APPL2: variants seen among roughly 807,000 people sequenced by gnomAD.
APPL2 encodes DCC-interacting protein 13-beta.
In APPL2, 84 loss-of-function variants were observed where a neutral mutation model predicts 92.7. That is an observed-to-expected ratio of 0.91 (90% CI 0.76 to 1.09). The LOEUF is 1.09. Ranked by LOEUF, APPL2 falls within the 50% of genes least tolerant of loss-of-function variation. The pLI, the probability that APPL2 is intolerant of heterozygous loss-of-function variation, is 0.00. For missense variants in APPL2, 736 were observed against 824.5 expected (o/e 0.89, Z 1.31); for synonymous variants, 291 against 291.0 (o/e 1.00, Z 0.00).
rs1886904875 is a variant in APPL2 at position 105,188,303 on chromosome 12, G to C, written c.1604C>G (p.Ser535Cys). Reference protein sequence around the residue: ...AIHNIFRMTESHLMVTSQSLR... With the variant: ...AIHNIFRMTECHLMVTSQSLR... Reference sequence around the variant, plus strand: ...AGATTGACTGGTGACCATCAGATGGGATTCTGTCATGCGGAAGATGTTATG... The same window carrying C: ...AGATTGACTGGTGACCATCAGATGGCATTCTGTCATGCGGAAGATGTTATG... Residue 535 changes from serine to cysteine, a missense_variant, in exon 17 of 21, where the codon TCC becomes TGC. Transcript: ENST00000258530. 6.2e-7 allele frequency: 1 copy of C among 1,614,034 alleles called. No homozygotes were observed. Among genetic ancestry groups the C allele is most frequent in the Non-Finnish European group, 8.5e-7 (1 of 1,180,028 alleles).
At position 105,232,662 on chromosome 12, in the gene APPL2, G is replaced by A. The variant is rs1390751855; in HGVS notation, c.54+3297C>T. ...GCCTGTAGTCCTAGCTACTCAGAAG[G>A]CTGAGGTGGGAGGATCGCTTGAGCC... On this transcript the variant is annotated intron_variant, in intron 1 of 20. Transcript: ENST00000258530. Among the ~76,000 whole-genome samples, 7 of 151,618 alleles carry A rather than the reference G, an allele frequency of 4.6e-5. No homozygotes were observed. In the South Asian group the frequency reaches 1.5e-3, roughly 31 times the overall value.
intron 2 of APPL2, among the ~76,000 whole-genome samples, chr12:105,227,349 T>C (rs1890589904): frequency 6.6e-6 from 1 of 152,158 alleles, no homozygotes; most frequent in South Asian, 2.1e-4. Flanking sequence ...TATCTATATC[T>C]CCAGCCCTGT....
chr12:105,176,038 C>T lies in APPL2; in HGVS notation c.1857G>A (p.Gln619=). ...CCAGCGCTAGAATGCATCTTACCTT[C>T]TGAACCTCAATAATTTCTTTTCCCA... ...INLGKEIIEV[Q]KDPEALAQLM... The change falls in exon 20 of 21, where the codon CAG becomes CAA. Residue 619 remains glutamine, a synonymous_variant. Coordinates refer to ENST00000258530, the MANE Select transcript of APPL2 (RefSeq NM_018171.5). The T allele has an allele frequency of 1.3e-6, 2 of 1,591,764 alleles. No homozygotes were observed. Among genetic ancestry groups the T allele is most frequent in the Middle Eastern group, 1.7e-4 (1 of 6,012 alleles).
At chr12:105,177,167 G>C in intron 18 of APPL2, 59 bp downstream of exon 18, 1 of 1,601,726 alleles carries the variant, frequency 6.2e-7, no homozygotes, top group Non-Finnish European at 8.6e-7. Flanking sequence ...TGTGTTTAAG[G>C]TAGATACAAA....
chr12:105,205,130 C>T (rs1228515965), intron 8 of APPL2, among the ~76,000 whole-genome samples: 27 of 152,162 alleles, frequency 1.8e-4, no homozygotes, highest in Admixed American at 1.7e-3. Flanking sequence ...GAGGCTGGGG[C>T]TCAATAAACC....
intron 17 of APPL2, among the ~76,000 whole-genome samples, chr12:105,187,688 T>G: frequency 6.6e-6 from 1 of 152,222 alleles, no homozygotes; most frequent in East Asian, 1.9e-4. Flanking sequence ...AAAAAATTAG[T>G]GAGATGTTTT....
chr12:105,209,001 C>T (rs552881766), intron 5 of APPL2, among the ~76,000 whole-genome samples: 4 of 152,224 alleles, frequency 2.6e-5, no homozygotes, highest in Non-Finnish European at 5.9e-5. Context: ...CTTTTAAATG[C>T]TCTTCGCGTT....
intron 1 of APPL2, chr12:105,229,688 G>C: frequency 2.0e-6 from 2 of 986,692 alleles, no homozygotes; most frequent in Non-Finnish European, 2.4e-6. Flanking sequence ...CCAGCAGTCT[G>C]GTTTTTTGTA....
chr12:105,232,661 G>A (rs1394173597), intron 1 of APPL2, among the ~76,000 whole-genome samples: 1 of 151,216 alleles, frequency 6.6e-6, no homozygotes, highest in African/African-American at 2.4e-5. Flanking sequence ...CTACTCAGAA[G>A]GCTGAGGTGG....
intron 20 of APPL2, 81 bp downstream of exon 20, chr12:105,175,954 T>C: frequency 2.2e-6 from 3 of 1,358,584 alleles, no homozygotes; most frequent in Non-Finnish European, 3.0e-6. Flanking sequence ...GAACATCACT[T>C]TTCTTTTTGA....
At chr12:105,202,388 A>C (rs1198952446) in intron 9 of APPL2, among the ~76,000 whole-genome samples, 2 of 152,234 alleles carry the variant, frequency 1.3e-5, no homozygotes, top group Non-Finnish European at 2.9e-5. Flanking sequence ...TAGGATCTGC[A>C]GAAAGAGGAA....
intron 2 of APPL2, among the ~76,000 whole-genome samples, chr12:105,226,376 G>C (rs1890504863): frequency 1.3e-5 from 2 of 152,214 alleles, no homozygotes; most frequent in African/African-American, 4.8e-5. Context: ...GAAACGCTGA[G>C]GCAGGAGGAA....
chr12:105,179,221 G>A (rs888640611), intron 17 of APPL2, among the ~76,000 whole-genome samples: 1 of 152,166 alleles, frequency 6.6e-6, no homozygotes. Flanking sequence ...CCACTTATGA[G>A]TGAGAACATG....
intron 11 of APPL2, among the ~76,000 whole-genome samples, chr12:105,196,075 AAAAG>A (rs1592781799): frequency 6.6e-6 from 1 of 151,806 alleles, no homozygotes; most frequent in African/African-American, 2.4e-5. Flanking sequence ...AAAAAAAAGA[AAAAG>A]AAAAAAGAAA....
chr12:105,186,537 A>G (rs999079726), intron 17 of APPL2, among the ~76,000 whole-genome samples: 3 of 151,340 alleles, frequency 2.0e-5, no homozygotes, highest in South Asian at 2.1e-4. Flanking sequence ...CAGCTGAACC[A>G]TTTTATATTC....
chr12:105,190,064 C>T lies in APPL2; in HGVS notation c.1333G>A (p.Ala445Thr), dbSNP rs562507472. ...TCGAATTGAATCGGCGTTCCAGGCG[C>T]GATCAGCTCCTCTGCTTCAGGTAGA... ...ASLPEAEELI[A>T]PGTPIQFDIV... The change falls in exon 15 of 21, where the codon GCG becomes ACG. Residue 445 changes from alanine to threonine, a missense_variant. Coordinates refer to ENST00000258530, the MANE Select transcript of APPL2 (RefSeq NM_018171.5). 7.4e-5 allele frequency: 120 copies of T among 1,614,214 alleles called. 1 individual carries two copies. The Admixed American group carries it at 7.5e-4, about 10-fold the overall frequency.
intron 10 of APPL2, among the ~76,000 whole-genome samples, chr12:105,199,106 G>A (rs1253204930): frequency 1.3e-5 from 2 of 152,158 alleles, no homozygotes; most frequent in African/African-American, 4.8e-5. Context: ...AGTTAAGAGT[G>A]GTCTGTTTGC....
At chr12:105,203,894 G>A (rs7300130) in intron 8 of APPL2, 109 bp from the exon 9 acceptor site, 94,834 of 888,854 alleles carry the variant, frequency 0.11, 5,964 homozygotes, top group African/African-American at 0.23. Flanking sequence ...TGGCTGGCCC[G>A]CCTCGCACGC....
At chr12:105,207,314 A>G (rs887987331) in intron 7 of APPL2, 107 bp from the exon 8 acceptor site, 11 of 1,106,120 alleles carry the variant, frequency 9.9e-6, no homozygotes, top group Non-Finnish European at 1.4e-5. Context: ...CATTTTTGTG[A>G]CAAATATAAC....
Sources: allele counts gnomAD v4.1 joint callset (sites outside exome capture counted in the v4.1 genomes callset), GRCh38; gene constraint gnomAD v4.1.1; transcripts MANE v1.5; gene names NCBI Gene and HGNC (gene_info 2026-07-23, HGNC 2026-07-21).